Variants in C12orf42 observed in about 807,000 individuals in gnomAD.
C12orf42 encodes the protein chromosome 12 open reading frame 42, also known as uncharacterized protein C12orf42.
A neutral mutation model predicts 21.6 loss-of-function variants in C12orf42; 25 were observed. The ratio of observed to expected loss-of-function variants is 1.16; its 90% CI spans 0.84 to 1.62. The LOEUF (loss-of-function observed/expected upper bound fraction) is 1.62. Ranked by LOEUF, C12orf42 falls within the 40% of genes most tolerant of loss-of-function variation. C12orf42 has a pLI of 0.00. For missense variants in C12orf42, 483 were observed against 459.3 expected (o/e 1.05, Z -0.47); for synonymous variants, 174 against 175.0 (o/e 0.99, Z 0.05).
At chr12:103,374,230 T>G (rs1405688651) in intron 3 of C12orf42, among the ~76,000 whole-genome samples, 1 of 152,204 alleles carries the variant, frequency 6.6e-6, no homozygotes. Flanking sequence ...TCTACTTTCA[T>G]GAATGAGTAT....
chr12:103,186,679 A>G, the C12orf42 span, among the ~76,000 whole-genome samples: 1 of 152,190 alleles, frequency 6.6e-6, no homozygotes, highest in Non-Finnish European at 1.5e-5. Flanking sequence ...TAATGGATGT[A>G]TGTGAGGGAT....
At chr12:103,428,613 T>C (rs1418920682) in intron 2 of C12orf42, among the ~76,000 whole-genome samples, 1 of 152,154 alleles carries the variant, frequency 6.6e-6, no homozygotes, top group African/African-American at 2.4e-5. Context: ...CCCTAACTCA[T>C]TGTATGAGTC....
chr12:103,188,410 A>G, the C12orf42 span, among the ~76,000 whole-genome samples: 1 of 152,086 alleles, frequency 6.6e-6, no homozygotes, highest in Admixed American at 6.5e-5. Context: ...ACACTGCACC[A>G]TATTTGTTGT....
At chr12:103,491,399 A>G (rs1187068111) in intron 1 of C12orf42, among the ~76,000 whole-genome samples, 1 of 152,232 alleles carries the variant, frequency 6.6e-6, no homozygotes, top group Non-Finnish European at 1.5e-5. Flanking sequence ...TTGGAATTGT[A>G]GATGTAGTAG....
At chr12:103,222,149 C>T in the C12orf42 span, among the ~76,000 whole-genome samples, 9 of 152,142 alleles carry the variant, frequency 5.9e-5, no homozygotes, top group South Asian at 2.1e-4. Flanking sequence ...CCACCAAACA[C>T]GCTTTGTGTG....
At position 103,311,618 on chromosome 12, in the gene C12orf42, T is replaced by C. The variant is rs76382758; in HGVS notation, c.260-5273A>G. ...TGGCTTTTATTAATAGTATTCCTTA[T>C]AATTTTTCAAATCTACCATTCTAGA... On this transcript the variant is annotated intron_variant, in intron 4 of 5. Coordinates refer to ENST00000548883, the MANE Select transcript of C12orf42 (RefSeq NM_198521.5). Among the ~76,000 whole-genome samples the C allele has an allele frequency of 8.6e-3, 1,305 of 152,288 alleles. 10 individuals are homozygous for C. Among genetic ancestry groups the C allele is most frequent in the African/African-American group, 0.03 (1,238 of 41,540 alleles).
At chr12:103,141,531 TTTTTTTTTTTTTTTTGAGACAGAG>T in the C12orf42 span, among the ~76,000 whole-genome samples, 1 of 125,948 alleles carries the variant, frequency 7.9e-6, no homozygotes, top group Admixed American at 8.3e-5. Context: ...TAATAACACT[TTTTTTTTTTTTTTTTGAGACAGAG>T]TTTTGCTCTT....
At chr12:103,092,289 T>C in the C12orf42 span, among the ~76,000 whole-genome samples, 3 of 152,214 alleles carry the variant, frequency 2.0e-5, no homozygotes, top group African/African-American at 7.2e-5. Context: ...GCTTTGAAGA[T>C]GCAGGGAGCT....
chr12:103,512,958 C>T, the C12orf42 span, among the ~76,000 whole-genome samples: 162 of 151,112 alleles, frequency 1.1e-3, 1 homozygote, highest in African/African-American at 3.8e-3. Context: ...GCTGAGATTG[C>T]GCCATTGCAC....
chr12:103,157,886 A>G, the C12orf42 span, among the ~76,000 whole-genome samples: 6 of 152,228 alleles, frequency 3.9e-5, no homozygotes, highest in Non-Finnish European at 7.3e-5. Flanking sequence ...TGATTTGCAG[A>G]AACATGACCA....
chr12:103,401,874 C>T (rs550313246), intron 2 of C12orf42, among the ~76,000 whole-genome samples, 199 bp from the exon 3 acceptor site: 1 of 152,310 alleles, frequency 6.6e-6, no homozygotes, highest in South Asian at 2.1e-4. Flanking sequence ...ACACACCTCC[C>T]ATCCTCAAGA....
At chr12:103,161,018 G>C in the C12orf42 span, among the ~76,000 whole-genome samples, 1 of 152,174 alleles carries the variant, frequency 6.6e-6, no homozygotes, top group Admixed American at 6.5e-5. Context: ...GAAACGTTGA[G>C]CATAACGTCT....
chr12:103,531,992 CTG>C, the C12orf42 span, among the ~76,000 whole-genome samples: 1 of 152,204 alleles, frequency 6.6e-6, no homozygotes, highest in South Asian at 2.1e-4. Flanking sequence ...AATGGCCTAT[CTG>C]TAAAACCTTA....
chr12:103,199,701 C>A, the C12orf42 span, among the ~76,000 whole-genome samples: 1 of 151,842 alleles, frequency 6.6e-6, no homozygotes, highest in Non-Finnish European at 1.5e-5. Context: ...AATTGAACAC[C>A]AGGTGTATAA....
At chr12:103,426,124 A>G (rs1949789611) in intron 2 of C12orf42, among the ~76,000 whole-genome samples, 1 of 152,248 alleles carries the variant, frequency 6.6e-6, no homozygotes, top group Admixed American at 6.5e-5. Context: ...ATGAATTGAC[A>G]GAAGTAGGCT....
chr12:103,435,792 G>T lies in C12orf42; in HGVS notation c.79-34117C>A, dbSNP rs1004038547. Among the ~76,000 whole-genome samples, 37 of 152,298 alleles carry T rather than the reference G, an allele frequency of 2.4e-4. 1 individual carries two copies. The highest frequency in any genetic ancestry group is 8.7e-4 in the African/African-American group (36 of 41,546). ...ACGTCTGATTGGTGTACCCGAAAGT[G>T]ATGGGGAGAATGGAACCAAGTTGGA... On this transcript the variant is annotated intron_variant, in intron 2 of 5. Coordinates refer to ENST00000548883, the MANE Select transcript of C12orf42 (RefSeq NM_198521.5).
At chr12:103,353,737 G>T (rs7981001) in intron 4 of C12orf42, among the ~76,000 whole-genome samples, 2 of 152,154 alleles carry the variant, frequency 1.3e-5, no homozygotes, top group African/African-American at 4.8e-5. Context: ...ACCAACAGGA[G>T]GGATGGAAAA....
At chr12:103,374,051 G>A (rs1001854831) in intron 3 of C12orf42, among the ~76,000 whole-genome samples, 3 of 152,138 alleles carry the variant, frequency 2.0e-5, no homozygotes, top group African/African-American at 7.2e-5. Context: ...ATTGTGATCT[G>A]GTCAATGCTG....
chr12:103,321,858 C>A (rs1185910896), intron 4 of C12orf42, among the ~76,000 whole-genome samples: 1 of 150,938 alleles, frequency 6.6e-6, no homozygotes, highest in African/African-American at 2.4e-5. Flanking sequence ...CACTCTGGGG[C>A]CTGTTGTGGG....
Sources: gnomAD v4.1 joint callset for allele counts (sites outside exome capture counted in the v4.1 genomes callset) on GRCh38, gnomAD v4.1.1 for gene constraint, MANE v1.5 for transcripts, NCBI Gene and HGNC (gene_info 2026-07-23, HGNC 2026-07-21) for gene names.